The following SH3PXD2A variants were observed in gnomAD, a reference collection of about 807,000 sequenced individuals.
SH3PXD2A encodes SH3 and PX domain-containing protein 2A.
SH3PXD2A carries 32 observed loss-of-function variants against 115.2 expected under a neutral mutation model. The ratio of observed to expected loss-of-function variants is 0.28; its 90% CI spans 0.21 to 0.37. The LOEUF (loss-of-function observed/expected upper bound fraction) is 0.37. SH3PXD2A is among the 10% of genes least tolerant of loss of function. The pLI is 1.00. For synonymous variants in SH3PXD2A, 610 were observed against 629.1 expected (o/e 0.97, Z 0.45); for missense variants, 1,328 against 1,498.7 (o/e 0.89, Z 1.88).
Position 103,801,274 on chromosome 10 carries a change from A to C in SH3PXD2A, c.153+8T>G, listed in dbSNP as rs78623614. 4.4e-3 allele frequency: 6,988 copies of C among 1,586,698 alleles called. 239 individuals carry two copies. The African/African-American group carries it at 0.079, about 18-fold the overall frequency. ...CTTGGGCCACTGTCCGAGCTCTGACAAACTCACCTGCAGGTCAAAGAACTT... is the reference window on the plus strand; with the variant it reads ...CTTGGGCCACTGTCCGAGCTCTGACCAACTCACCTGCAGGTCAAAGAACTT... On this transcript the variant is annotated splice_region_variant and intron_variant, in intron 2 of 14. Coordinates refer to ENST00000369774, the MANE Select transcript of SH3PXD2A (RefSeq NM_001394015.1).
At position 103,596,719 on chromosome 10, in the gene SH3PXD2A, CTTAA is replaced by C. The variant is rs753155423; in HGVS notation, c.*5093_*5096del. ...ATGGCCCTCAAAAAAGTGAGGGAATCTTAATTATTTAGCAATGTGGACAGTTCTC... is the reference window on the plus strand; with the variant it reads ...ATGGCCCTCAAAAAAGTGAGGGAATCTTATTTAGCAATGTGGACAGTTCTC... On this transcript the variant is annotated 3_prime_UTR_variant, in exon 15 of 15. Coordinates refer to ENST00000369774, the MANE Select transcript of SH3PXD2A (RefSeq NM_001394015.1). 3 of 144,140 alleles carry C rather than the reference CTTAA, an allele frequency of 2.1e-5. No homozygotes were observed. Among genetic ancestry groups the C allele is most frequent in the Admixed American group, 7.1e-5 (1 of 14,140 alleles). The allele number at this position is 144,140 out of a possible 1,614,324, so 8.9% of individuals were successfully genotyped here.
rs536861448 is a variant in SH3PXD2A, at chr10:103,826,163, A to G, written c.73-24801T>C. ...AAATCTTGTAAATTAAACAAATCAC[A>G]AATTGGCCTGCTTTGCACATCCAGA... On this transcript the variant is annotated intron_variant, in intron 1 of 14. Coordinates refer to ENST00000369774, the MANE Select transcript of SH3PXD2A (RefSeq NM_001394015.1). Among the ~76,000 whole-genome samples the G allele has an allele frequency of 4.6e-5, 7 of 152,276 alleles. No homozygotes were observed. The East Asian group carries it at 1.3e-3, about 29-fold the overall frequency.
intron 7 of SH3PXD2A, among the ~76,000 whole-genome samples, chr10:103,667,330 G>A (rs1564858632): frequency 6.6e-6 from 1 of 152,142 alleles, no homozygotes. Flanking sequence ...CCCCAACCCT[G>A]GGCATCCTAC....
intron 8 of SH3PXD2A, among the ~76,000 whole-genome samples, chr10:103,642,875 A>G (rs1453927280): frequency 3.3e-5 from 5 of 152,210 alleles, no homozygotes; most frequent in Admixed American, 2.6e-4. Flanking sequence ...TCTTGGCCCC[A>G]GAATGGACTT....
intron 5 of SH3PXD2A, among the ~76,000 whole-genome samples, chr10:103,708,683 T>C (rs1242424439): frequency 6.6e-6 from 1 of 152,178 alleles, no homozygotes; most frequent in African/African-American, 2.4e-5. Flanking sequence ...TCCAAACTGC[T>C]TGAGCCGCAA....
At chr10:103,826,669 G>A (rs572781635) in intron 1 of SH3PXD2A, among the ~76,000 whole-genome samples, 1 of 152,276 alleles carries the variant, frequency 6.6e-6, no homozygotes, top group East Asian at 1.9e-4. Context: ...ACATTTTAGA[G>A]CCGGGCACTT....
intron 6 of SH3PXD2A, among the ~76,000 whole-genome samples, chr10:103,688,528 G>A (rs2037708151): frequency 6.6e-6 from 1 of 152,232 alleles, no homozygotes; most frequent in African/African-American, 2.4e-5. Context: ...CGCTAAGAAG[G>A]TGACAGTTTT....
chr10:103,678,120 G>GA (rs1337818418), intron 6 of SH3PXD2A: 4 of 1,289,018 alleles, frequency 3.1e-6, no homozygotes. Flanking sequence ...GACGCTACAG[G>GA]AAACAGGAGC....
At chr10:103,719,989 G>A (rs974196795) in intron 5 of SH3PXD2A, among the ~76,000 whole-genome samples, 1 of 152,132 alleles carries the variant, frequency 6.6e-6, no homozygotes, top group African/African-American at 2.4e-5. Context: ...CAAAGTGCTG[G>A]GATTACAGGC....
chr10:103,792,344 G>A (rs1452409084), intron 2 of SH3PXD2A, among the ~76,000 whole-genome samples: 1 of 152,206 alleles, frequency 6.6e-6, no homozygotes, highest in Non-Finnish European at 1.5e-5. Context: ...CTGGAGGCAG[G>A]CCGAGCTATT....
intron 1 of SH3PXD2A, among the ~76,000 whole-genome samples, chr10:103,836,604 C>T (rs1408106360): frequency 6.6e-6 from 1 of 150,870 alleles, no homozygotes. Flanking sequence ...CACACTCAAA[C>T]CCCCACACAG....
intron 1 of SH3PXD2A, among the ~76,000 whole-genome samples, chr10:103,847,887 C>T (rs548664129): frequency 6.6e-6 from 1 of 152,010 alleles, no homozygotes; most frequent in Non-Finnish European, 1.5e-5. Flanking sequence ...TGCAGTGAAC[C>T]GAGATCGCAC....
intron 1 of SH3PXD2A, among the ~76,000 whole-genome samples, chr10:103,805,040 G>C (rs115865424): frequency 6.6e-6 from 1 of 152,218 alleles, no homozygotes; most frequent in Non-Finnish European, 1.5e-5. Context: ...CCTGGAGAGA[G>C]GGCTGCATTC....
At chr10:103,832,222 C>G (rs1166852097) in intron 1 of SH3PXD2A, among the ~76,000 whole-genome samples, 1 of 152,064 alleles carries the variant, frequency 6.6e-6, no homozygotes, top group Non-Finnish European at 1.5e-5. Flanking sequence ...TGTAACTTAA[C>G]CTATCCCATT....
At chr10:103,813,178 TG>T (rs1564895590) in intron 1 of SH3PXD2A, among the ~76,000 whole-genome samples, 1 of 152,030 alleles carries the variant, frequency 6.6e-6, no homozygotes, top group South Asian at 2.1e-4. Context: ...ATGGATTGTA[TG>T]GGGGGAAGTT....
At chr10:103,615,480 G>A (rs557683639) in intron 11 of SH3PXD2A, among the ~76,000 whole-genome samples, 107 of 139,440 alleles carry the variant, frequency 7.7e-4, no homozygotes, top group Admixed American at 1.9e-3. Context: ...TGGAGAGTGC[G>A]AGGGTGTGTG....
chr10:103,711,693 C>G (rs1040317199), intron 5 of SH3PXD2A, among the ~76,000 whole-genome samples: 13 of 152,216 alleles, frequency 8.5e-5, no homozygotes, highest in South Asian at 6.2e-4. Flanking sequence ...ATGTCCTCCC[C>G]TCACACAGGA....
Position 103,836,682 on chromosome 10 carries a change from TACACACAC to T in SH3PXD2A, c.72+18505_72+18512del, listed in dbSNP as rs55855121. On this transcript the variant is annotated intron_variant, in intron 1 of 14. Transcript: ENST00000369774. ...CACACACTCCACACTCACAGACATG[TACACACAC>T]ACACACACACACACACCCCTTCTTT... Among the ~76,000 whole-genome samples the T allele has an allele frequency of 4.7e-5, 7 of 148,888 alleles. No homozygotes were observed. The South Asian group carries it at 1.5e-3, about 32-fold the overall frequency.
At chr10:103,678,167 G>A in intron 6 of SH3PXD2A, 1 of 1,288,962 alleles carries the variant, frequency 7.8e-7, no homozygotes. Flanking sequence ...TAATGTCTGG[G>A]GGGAGCAGGG....
Sources: allele counts gnomAD v4.1 joint callset (sites outside exome capture counted in the v4.1 genomes callset), GRCh38; gene constraint gnomAD v4.1.1; transcripts MANE v1.5; gene names NCBI Gene and HGNC (gene_info 2026-07-23, HGNC 2026-07-21).